The following DDHD1 variants were observed in gnomAD, a reference collection of about 807,000 sequenced individuals.
DDHD1 encodes the protein DDHD domain containing 1.
A neutral mutation model predicts 96.4 loss-of-function variants in DDHD1; 49 were observed. The ratio of observed to expected loss-of-function variants is 0.51; its 90% CI spans 0.40 to 0.64. DDHD1 has a LOEUF of 0.64. Among genes scored for constraint, DDHD1 ranks in the 30% least tolerant of loss-of-function variants. DDHD1 has a pLI of 0.00. For missense variants in DDHD1, 1,106 were observed against 1,161.2 expected (o/e 0.95, Z 0.69); for synonymous variants, 442 against 446.5 (o/e 0.99, Z 0.13).
At chr14:53,068,061 A>G (rs960314095) in intron 6 of DDHD1, among the ~76,000 whole-genome samples, 5 of 152,034 alleles carry the variant, frequency 3.3e-5, no homozygotes, top group Non-Finnish European at 2.9e-5. Flanking sequence ...TTTTGATATA[A>G]TATTTCATCT....
At chr14:53,079,029 C>T (rs2139941269) in intron 4 of DDHD1, among the ~76,000 whole-genome samples, 1 of 151,846 alleles carries the variant, frequency 6.6e-6, no homozygotes, top group South Asian at 2.1e-4. Context: ...AAAATGTTGA[C>T]CCAATCTTGT....
intron 6 of DDHD1, among the ~76,000 whole-genome samples, chr14:53,069,452 T>C (rs1273884149): frequency 2.0e-5 from 3 of 152,246 alleles, no homozygotes; most frequent in African/African-American, 7.2e-5. Flanking sequence ...GTGCATTTTA[T>C]AGCAATAGAG....
At chr14:53,138,499 T>C (rs183373905) in intron 1 of DDHD1, among the ~76,000 whole-genome samples, 1 of 152,212 alleles carries the variant, frequency 6.6e-6, no homozygotes, top group African/African-American at 2.4e-5. Context: ...TTATAACAAA[T>C]AGTAATGAAA....
At chr14:53,116,822 G>T (rs1287208112) in intron 1 of DDHD1, among the ~76,000 whole-genome samples, 1 of 152,124 alleles carries the variant, frequency 6.6e-6, no homozygotes, top group Admixed American at 6.5e-5. Flanking sequence ...AACTAGAGAA[G>T]CAAGAGCAAA....
chr14:53,134,681 C>A (rs941558903), intron 1 of DDHD1, among the ~76,000 whole-genome samples: 7 of 151,336 alleles, frequency 4.6e-5, no homozygotes, highest in Non-Finnish European at 8.8e-5. Context: ...TGGTATATGA[C>A]AACATAAAGA....
At chr14:53,071,362 G>GA (rs904738424) in intron 6 of DDHD1, among the ~76,000 whole-genome samples, 1 of 151,482 alleles carries the variant, frequency 6.6e-6, no homozygotes, top group East Asian at 1.9e-4. Context: ...TTTTCAGAGG[G>GA]AAAAAAAAGA....
At position 53,055,745 on chromosome 14, in the gene DDHD1, G is replaced by A. The variant is rs377049663; in HGVS notation, c.2160C>T (p.Thr720=). Residue 720 remains threonine (T), a synonymous_variant, in exon 10 of 13, where the codon ACC becomes ACT. Transcript: ENST00000673822. ...CTGGTGAGGTCACAGGGCTTGGTAT[G>A]GTTGAAATGCCTTCATTCTCTGAAA... The part of the protein sequence containing the change: ...TSVSENEGIS[T]IPSPVTSPVL... 5.0e-5 allele frequency: 81 copies of A among 1,614,126 alleles called. No individual in the cohort carries two copies. The highest frequency in any genetic ancestry group is 6.3e-5 in the Non-Finnish European group (74 of 1,180,002).
chr14:53,079,655 G>T (rs561589350), intron 4 of DDHD1, among the ~76,000 whole-genome samples: 1 of 151,702 alleles, frequency 6.6e-6, no homozygotes, highest in Non-Finnish European at 1.5e-5. Context: ...TCTTTTTCTC[G>T]TTTGGTCTAG....
intron 2 of DDHD1, among the ~76,000 whole-genome samples, chr14:53,102,386 T>G (rs2139718112): frequency 6.6e-6 from 1 of 152,192 alleles, no homozygotes; most frequent in South Asian, 2.1e-4. Context: ...TGTAAGAACC[T>G]TTAGTTTAAA....
intron 4 of DDHD1, among the ~76,000 whole-genome samples, chr14:53,082,301 A>AC (rs965557228): frequency 6.6e-6 from 1 of 152,218 alleles, no homozygotes; most frequent in Non-Finnish European, 1.5e-5. Context: ...TAGCTGTAAA[A>AC]CATAAGTCTT....
chr14:53,104,448 G>A (rs1887538049), intron 1 of DDHD1, among the ~76,000 whole-genome samples: 1 of 152,158 alleles, frequency 6.6e-6, no homozygotes, highest in Non-Finnish European at 1.5e-5. Context: ...AGGCTCTGAT[G>A]ATAGTTCCAA....
intron 1 of DDHD1, among the ~76,000 whole-genome samples, chr14:53,105,836 T>G (rs1209496017): frequency 6.6e-6 from 1 of 152,214 alleles, no homozygotes; most frequent in African/African-American, 2.4e-5. Context: ...ATGTTTGTTA[T>G]TCATACGTAT....
intron 1 of DDHD1, among the ~76,000 whole-genome samples, chr14:53,127,824 T>C (rs1389114113): frequency 2.0e-5 from 3 of 152,204 alleles, no homozygotes; most frequent in East Asian, 1.9e-4. Context: ...AATAGATCCT[T>C]AAGAGTCTGT....
At position 53,063,878 on chromosome 14, in the gene DDHD1, G is replaced by C. The variant is rs551682902; in HGVS notation, c.1504-673C>G. Among the ~76,000 whole-genome samples, 3 of 152,136 alleles carry C rather than the reference G, an allele frequency of 2.0e-5. No homozygotes were observed. In the South Asian group the frequency reaches 6.2e-4, roughly 32 times the overall value. On this transcript the variant is annotated intron_variant, in intron 6 of 12. Coordinates refer to ENST00000673822, the MANE Select transcript of DDHD1 (RefSeq NM_001160148.2). ...GGGAGTATTTTCGTAATTTTTCTTT[G>C]TAAAAGTGCTTTCTTTGAAATTAAG...
In DDHD1 at chr14:53,051,908, C is replaced by A. The variant is rs1167992187; in HGVS notation, c.2457G>T (p.Ser819=). 1.3e-6 allele frequency: 2 copies of A among 1,592,020 alleles called. No homozygotes were observed. The highest frequency in any genetic ancestry group is 1.3e-5 in the African/African-American group (1 of 74,368). Residue 819 remains serine (S), a synonymous_variant, in exon 12 of 13, where the codon TCG becomes TCT. Coordinates refer to ENST00000673822, the MANE Select transcript of DDHD1 (RefSeq NM_001160148.2). ...AAAGAAGTTGTGGGAGATTAAAGAA[C>A]GATTCTTGAAGTCTGAAATCTGTGA... The part of the protein sequence containing the change: ...LDSAYFRLQE[S]FFNLPQLLFP...
chr14:53,125,052 T>G (rs1889324818), intron 1 of DDHD1, among the ~76,000 whole-genome samples: 1 of 152,160 alleles, frequency 6.6e-6, no homozygotes, highest in Admixed American at 6.5e-5. Flanking sequence ...TCAGACTGGA[T>G]TAGGGAAGTT....
intron 4 of DDHD1, among the ~76,000 whole-genome samples, chr14:53,086,080 G>A (rs1363379646): frequency 6.6e-6 from 1 of 152,170 alleles, no homozygotes; most frequent in Admixed American, 6.5e-5. Context: ...ATGAAATGAA[G>A]CGAAAAGAGA....
intron 1 of DDHD1, among the ~76,000 whole-genome samples, chr14:53,134,046 A>G (rs1347976497): frequency 6.6e-6 from 1 of 152,162 alleles, no homozygotes; most frequent in East Asian, 1.9e-4. Flanking sequence ...GCATTTCTGA[A>G]TAACAGTAAT....
chr14:53,103,428 T>G, intron 2 of DDHD1: 2 of 389,160 alleles, frequency 5.1e-6, no homozygotes, highest in South Asian at 1.3e-4. Flanking sequence ...GGGAGTGCAT[T>G]GTAACAATCT....
Sources: gnomAD v4.1 joint callset for allele counts (sites outside exome capture counted in the v4.1 genomes callset) on GRCh38, gnomAD v4.1.1 for gene constraint, MANE v1.5 for transcripts, NCBI Gene and HGNC (gene_info 2026-07-23, HGNC 2026-07-21) for gene names.